Variants in DACH2 observed in about 807,000 individuals in gnomAD.
DACH2 encodes the protein dachshund homolog 2.
DACH2 carries 17 observed loss-of-function variants against 35.8 expected under a neutral mutation model. That is an observed-to-expected ratio of 0.48 (90% confidence interval 0.33 to 0.71). The LOEUF is 0.71. Among genes scored for constraint, DACH2 ranks in the 30% least tolerant of loss-of-function variants. The pLI is 0.02. For missense variants in DACH2, 469 were observed against 472.7 expected, an observed-to-expected ratio of 0.99 and a Z score of 0.07; for synonymous variants, 195 against 177.3, an observed-to-expected ratio of 1.10 and a Z score of -0.79.
intron 1 of DACH2, among the ~76,000 whole-genome samples, chrX:86,356,448 G>C (rs912361459): frequency 2.7e-5 from 3 of 111,422 alleles, no homozygotes; most frequent in African/African-American, 9.8e-5. Flanking sequence ...TTGTAGCATA[G>C]TTTTAAGTTG....
chrX:86,727,685 C>T (rs2041485785), intron 6 of DACH2, among the ~76,000 whole-genome samples: 1 of 110,797 alleles, frequency 9.0e-6, no homozygotes, highest in Admixed American at 9.7e-5. Context: ...TGCCCCATCA[C>T]ATTCTCTTGC....
rs913184595 is a variant in DACH2, at chrX:86,341,994, A to T, written c.489-34830A>T. ...GAGATGGAATCTATCCCTGGTAAAG[A>T]TGCTGTGATCATTGCCAAAATGACA... On this transcript the variant is annotated intron_variant, in intron 1 of 11. Coordinates refer to ENST00000373125, the MANE Select transcript of DACH2 (RefSeq NM_053281.3). 2.7e-5 allele frequency among the ~76,000 whole-genome samples: 3 copies of T among 112,112 alleles called. No individual in the cohort carries two copies. The South Asian group carries it at 1.1e-3, about 42-fold the overall frequency.
intron 2 of DACH2, among the ~76,000 whole-genome samples, chrX:86,473,620 T>C (rs948875163): frequency 1.8e-5 from 2 of 111,268 alleles, no homozygotes; most frequent in Admixed American, 9.6e-5. Context: ...TGAAAACATG[T>C]CATGTTTTTC....
intron 1 of DACH2, among the ~76,000 whole-genome samples, chrX:86,285,066 T>A (rs1270035144): frequency 8.9e-6 from 1 of 112,077 alleles, no homozygotes; most frequent in Non-Finnish European, 1.9e-5. Flanking sequence ...TATTTGAATC[T>A]TCTTTCTTCT....
At chrX:86,341,687 G>A (rs1160704530) in intron 1 of DACH2, among the ~76,000 whole-genome samples, 1 of 112,277 alleles carries the variant, frequency 8.9e-6, no homozygotes, top group Non-Finnish European at 1.9e-5. Context: ...TTCTGGAAAA[G>A]ATTCACCATT....
At chrX:86,400,293 T>C (rs1292512402) in intron 2 of DACH2, among the ~76,000 whole-genome samples, 1 of 111,274 alleles carries the variant, frequency 9.0e-6, no homozygotes, top group Non-Finnish European at 1.9e-5. Flanking sequence ...TAGTTTTTTT[T>C]TCAAAGTTTT....
chrX:86,187,569 C>T (rs1352382103), intron 1 of DACH2, among the ~76,000 whole-genome samples: 1 of 109,257 alleles, frequency 9.2e-6, no homozygotes, highest in Non-Finnish European at 1.9e-5. Flanking sequence ...AGGTGTGTGC[C>T]ACCACGCCCA....
At chrX:86,356,711 C>A (rs2035648754) in intron 1 of DACH2, among the ~76,000 whole-genome samples, 1 of 110,085 alleles carries the variant, frequency 9.1e-6, no homozygotes, top group Admixed American at 9.7e-5. Flanking sequence ...TCATGTTGTT[C>A]TGTAATTTAT....
intron 3 of DACH2, among the ~76,000 whole-genome samples, chrX:86,539,234 T>C (rs2148297003): frequency 9.0e-6 from 1 of 111,359 alleles, no homozygotes; most frequent in Non-Finnish European, 1.9e-5. Flanking sequence ...TCCCCTTCAC[T>C]CCCTCTCTCC....
At chrX:86,166,514 G>A (rs950872468) in intron 1 of DACH2, among the ~76,000 whole-genome samples, 2 of 111,126 alleles carry the variant, frequency 1.8e-5, no homozygotes, top group African/African-American at 6.5e-5. Context: ...TGCAAACAAG[G>A]ATAATTTGAC....
rs1481044216 is a variant in DACH2 at position 86,449,354 on chromosome X, T to A, written c.528-64925T>A. Among the ~76,000 whole-genome samples, 11 of 103,578 alleles carry A rather than the reference T, an allele frequency of 1.1e-4. No homozygotes were observed. In the East Asian group the frequency reaches 2.8e-3, roughly 26 times the overall value. 89.9% of individuals were successfully genotyped at this position (103,578 alleles called of 115,157 possible). On this transcript the variant is annotated intron_variant, in intron 2 of 11. Transcript: ENST00000373125. ...CCTTCTGCTAGCTTTTGAATGTGTT[T>A]GCTCTTGCTTTTCTAGTTCTTTTAA... is the stretch of plus-strand genomic sequence containing the variant.
At chrX:86,241,904 G>A (rs1414554415) in intron 1 of DACH2, among the ~76,000 whole-genome samples, 1 of 112,568 alleles carries the variant, frequency 8.9e-6, no homozygotes, top group Non-Finnish European at 1.9e-5. Context: ...ACATGGTGTT[G>A]GGCCTGCAGG....
chrX:86,563,634 G>A (rs1226923219), intron 3 of DACH2, among the ~76,000 whole-genome samples: 7 of 110,315 alleles, frequency 6.3e-5, no homozygotes, highest in Admixed American at 1.9e-4. Context: ...TAAGATGTCC[G>A]ACCAAGAGAA....
chrX:86,799,918 G>A (rs1189108269), intron 7 of DACH2, among the ~76,000 whole-genome samples: 1 of 111,258 alleles, frequency 9.0e-6, no homozygotes, highest in Non-Finnish European at 1.9e-5. Flanking sequence ...TTGCATTTGA[G>A]TTTTTTCCTT....
intron 2 of DACH2, among the ~76,000 whole-genome samples, chrX:86,412,834 A>C (rs1389590844): frequency 1.8e-5 from 2 of 111,584 alleles, no homozygotes; most frequent in African/African-American, 3.3e-5. Flanking sequence ...AGTAGCTTCT[A>C]CAGCAGCCTA....
chrX:86,702,089 G>A (rs2041151574), intron 5 of DACH2, among the ~76,000 whole-genome samples: 1 of 111,314 alleles, frequency 9.0e-6, no homozygotes, highest in African/African-American at 3.3e-5. Context: ...AGGCCACAGT[G>A]GAATAAAACT....
At chrX:86,590,617 T>C (rs1253508950) in intron 3 of DACH2, among the ~76,000 whole-genome samples, 1 of 111,447 alleles carries the variant, frequency 9.0e-6, no homozygotes, top group Non-Finnish European at 1.9e-5. Flanking sequence ...GGCAAGAGTA[T>C]GTCTAGTTTT....
chrX:86,485,662 A>T (rs924367877), intron 2 of DACH2, among the ~76,000 whole-genome samples: 1 of 111,711 alleles, frequency 9.0e-6, no homozygotes. Flanking sequence ...TATAAATTTA[A>T]AAAATCTTCC....
intron 1 of DACH2, chrX:86,160,378 G>T: frequency 1.4e-6 from 1 of 693,098 alleles, no homozygotes; most frequent in Non-Finnish European, 2.3e-6. Context: ...AGTCTGAGAA[G>T]CTCTCAATAC....
Sources: allele counts gnomAD v4.1 joint callset (sites outside exome capture counted in the v4.1 genomes callset), GRCh38; gene constraint gnomAD v4.1.1; transcripts MANE v1.5; gene names NCBI Gene and HGNC (gene_info 2026-07-23, HGNC 2026-07-21).